The following ATP7B variants were observed in gnomAD, a reference collection of about 807,000 sequenced individuals.
The protein encoded by ATP7B is ATPase copper transporting beta.
In ATP7B, 113 loss-of-function variants were observed where a neutral mutation model predicts 118.9. The ratio of observed to expected loss-of-function variants is 0.95; its 90% CI spans 0.82 to 1.11. The LOEUF (loss-of-function observed/expected upper bound fraction) is 1.11, where lower values mean the gene tolerates loss of function less well. ATP7B is among the 50% of genes most tolerant of loss of function. ATP7B has a pLI of 0.00. For missense variants in ATP7B, 1,867 were observed against 1,871.4 expected (o/e 1.00, Z 0.04); for synonymous variants, 777 against 727.4 (o/e 1.07, Z -1.10).
chr13:51,950,167 C>A lies in ATP7B; in HGVS notation c.2576-6G>T. The A allele has an allele frequency of 6.2e-7, 1 of 1,614,122 alleles. No individual in the cohort carries two copies. Among genetic ancestry groups the A allele is most frequent in the Non-Finnish European group, 8.5e-7 (1 of 1,180,024 alleles). ...AGTGACTGGCATGGCTTCTCCTAGA[C>A]GTAGGAAAGAGACAACTGTCACTTG... is the stretch of plus-strand genomic sequence containing the variant. On this transcript the variant is annotated splice_polypyrimidine_tract_variant and splice_region_variant and intron_variant, in intron 10 of 20. Transcript: ENST00000242839.
intron 12 of ATP7B, among the ~76,000 whole-genome samples, chr13:51,948,402 C>T (rs1186378301): frequency 6.6e-6 from 1 of 152,100 alleles, no homozygotes; most frequent in African/African-American, 2.4e-5. Flanking sequence ...GGTGCATCAC[C>T]ACACCCAGTA....
In ATP7B at chr13:51,970,663, C is replaced by A. The variant is rs1057516305; in HGVS notation, c.1372G>T (p.Glu458Ter). Residue 458 changes from glutamate to a stop codon, truncating the protein, a stop_gained, in exon 3 of 21, where the codon GAA becomes TAA. Coordinates refer to ENST00000242839, the MANE Select transcript of ATP7B (RefSeq NM_000053.4). LOFTEE classifies it high-confidence loss of function. ...AGCCTCCCAGTGTGGGGAGCCACTT[C>A]CTGCACAGATGTAGGTGTACCATCT... The part of the protein sequence containing the change: ...TTDGTPTSVQ[E>*]VAPHTGRLPA... The A allele has an allele frequency of 6.2e-7, 1 of 1,614,166 alleles. No homozygotes were observed. The highest frequency in any genetic ancestry group is 1.7e-4 in the Middle Eastern group (1 of 6,060).
chr13:51,963,771 C>G (rs114065385), intron 5 of ATP7B, among the ~76,000 whole-genome samples: 4,183 of 148,420 alleles, frequency 0.028, 212 homozygotes, highest in African/African-American at 0.1. Flanking sequence ...TCTCCAAGGC[C>G]GGGCACAGTG....
At chr13:51,957,884 G>C (rs1204738422) in intron 8 of ATP7B, 1 of 492,810 alleles carries the variant, frequency 2.0e-6, no homozygotes, top group Non-Finnish European at 3.7e-6. Flanking sequence ...TTTTCTTTTA[G>C]GTTCAATCTA....
intron 1 of ATP7B, among the ~76,000 whole-genome samples, chr13:51,996,311 TGG>T (rs749323051): frequency 6.6e-6 from 1 of 152,062 alleles, no homozygotes; most frequent in Non-Finnish European, 1.5e-5. Context: ...CTGTTCCACA[TGG>T]GGATTAATAG....
In ATP7B at chr13:51,970,209, G is replaced by A. The variant is rs552977390; in HGVS notation, c.1543+283C>T. Among the ~76,000 whole-genome samples, 27 of 152,284 alleles carry A rather than the reference G, an allele frequency of 1.8e-4. 1 individual carries two copies. In the South Asian group the frequency reaches 5.6e-3, roughly 32 times the overall value. On this transcript the variant is annotated intron_variant, in intron 3 of 20. Coordinates refer to ENST00000242839, the MANE Select transcript of ATP7B (RefSeq NM_000053.4). ...GGGAACAAAATATGGAATAATACTA[G>A]TACAACCTAACTGAGAAGTCTATCC...
rs9316562 is a variant in ATP7B, at chr13:51,962,130, T to C, written c.1870-217A>G. Among the ~76,000 whole-genome samples, 82,515 of 152,002 alleles carry C rather than the reference T, an allele frequency of 0.54. 22,439 individuals are homozygous for C. Among genetic ancestry groups the C allele is most frequent in the Admixed American group, 0.57 (8,772 of 15,286 alleles). On this transcript the variant is annotated intron_variant, in intron 5 of 20. Transcript: ENST00000242839. The stretch of plus-strand genomic sequence containing the variant: ...TTCTGGGAAGACAGCTTCCCCAGAC[T>C]CCAAAGCTGAGCAGTGCTGACTTAT...
rs886050299 is a variant in ATP7B, at chr13:51,933,263, A to C, written c.*1493T>G. 6.6e-6 allele frequency: 1 copy of C among 152,198 alleles called. No homozygotes were observed. Among genetic ancestry groups the C allele is most frequent in the East Asian group, 1.9e-4 (1 of 5,194 alleles). 9.4% of individuals were successfully genotyped at this position (152,198 alleles called of 1,614,324 possible). Reference sequence around the variant, plus strand: ...CACAGCTGACAGACACTGCTTGTCCATTGGCTATGTCATCCTGGGCAAAGT... The same window carrying C: ...CACAGCTGACAGACACTGCTTGTCCCTTGGCTATGTCATCCTGGGCAAAGT... On this transcript the variant is annotated 3_prime_UTR_variant, in exon 21 of 21. Transcript: ENST00000242839.
chr13:51,971,963 A>T (rs2140010612), intron 2 of ATP7B, among the ~76,000 whole-genome samples: 1 of 152,336 alleles, frequency 6.6e-6, no homozygotes, highest in East Asian at 1.9e-4. Context: ...TCCCTACAGT[A>T]CCGAGCTCCA....
chr13:51,937,621 TG>T lies in ATP7B; in HGVS notation c.3757del (p.Gln1253ArgfsTer77). On this transcript the variant is annotated frameshift_variant, in exon 18 of 21. Coordinates refer to ENST00000242839, the MANE Select transcript of ATP7B (RefSeq NM_000053.4). LOFTEE classifies it high-confidence loss of function. ...TTTCTTCCCTTTATTCTGGAGCTCC[TG>T]GACCTTGGCCACCTTGTGCGAAGGC... ...VLPSHKVAKV[Q>X]ELQNKGKKVA... is the part of the protein sequence containing the mutation. 6.2e-7 allele frequency: 1 copy of T among 1,614,270 alleles called. No homozygotes were observed. The highest frequency in any genetic ancestry group is 8.5e-7 in the Non-Finnish European group (1 of 1,180,042).
In ATP7B at chr13:51,949,771, C is replaced by T. The variant is rs574579593; in HGVS notation, c.2756G>A (p.Arg919Gln). 39 of 1,614,000 alleles carry T rather than the reference C, an allele frequency of 2.4e-5. No individual in the cohort carries two copies. The highest frequency in any genetic ancestry group is 3.3e-5 in the Admixed American group (2 of 60,020). Residue 919 changes from arginine to glutamine, a missense_variant, in exon 12 of 21, where the codon CGG becomes CAG. Transcript: ENST00000242839. ...AAATGGGACAAAATATCCACTAAACCGGTCAGCCAGCTGCTGAATGGGTGC... is the reference window on the plus strand; with the variant it reads ...AAATGGGACAAAATATCCACTAAACTGGTCAGCCAGCTGCTGAATGGGTGC... The part of the protein sequence containing the change: ...SKAPIQQLAD[R>Q]FSGYFVPFII...
intron 1 of ATP7B, among the ~76,000 whole-genome samples, chr13:51,982,347 A>G (rs866020379): frequency 2.0e-5 from 3 of 152,216 alleles, no homozygotes; most frequent in African/African-American, 7.2e-5. Flanking sequence ...TTCCAGCATT[A>G]TCTGAGCAAA....
intron 1 of ATP7B, among the ~76,000 whole-genome samples, chr13:51,981,673 A>T (rs1029842274): frequency 6.6e-6 from 1 of 152,182 alleles, no homozygotes; most frequent in African/African-American, 2.4e-5. Context: ...CCACTGAGGA[A>T]GAATCAATGT....
intron 14 of ATP7B, among the ~76,000 whole-genome samples, chr13:51,943,443 T>C (rs941146787): frequency 6.6e-6 from 1 of 151,760 alleles, no homozygotes; most frequent in Non-Finnish European, 1.5e-5. Context: ...TCAGGAAGAG[T>C]TGTCAATTGT....
chr13:51,995,490 T>A (rs1370198767), intron 1 of ATP7B, among the ~76,000 whole-genome samples: 1 of 152,178 alleles, frequency 6.6e-6, no homozygotes, highest in East Asian at 1.9e-4. Context: ...TGTTGGTCAC[T>A]CAGAGTTGCC....
intron 1 of ATP7B, among the ~76,000 whole-genome samples, chr13:51,989,471 C>T (rs547884016): frequency 1.9e-4 from 29 of 151,652 alleles, no homozygotes; most frequent in African/African-American, 7.0e-4. Flanking sequence ...CTCTCAACCA[C>T]AGCAAGGGAA....
chr13:52,005,407 T>C (rs995393920), intron 1 of ATP7B, among the ~76,000 whole-genome samples: 2 of 152,194 alleles, frequency 1.3e-5, no homozygotes, highest in Non-Finnish European at 2.9e-5. Flanking sequence ...TCATCTATCC[T>C]CCACAAAGCA....
rs989216638 is a variant in ATP7B at position 51,995,348 on chromosome 13, A to T, written c.51+15939T>A. ...ACTCATTTCCCAGGTTCCATTCAAAACTCTCTGTGGAAATTCTCCTTCCTC... is the reference window on the plus strand; with the variant it reads ...ACTCATTTCCCAGGTTCCATTCAAATCTCTCTGTGGAAATTCTCCTTCCTC... On this transcript the variant is annotated intron_variant, in intron 1 of 20. Transcript: ENST00000242839. 3 of 984,898 alleles carry T rather than the reference A, an allele frequency of 3.0e-6. No individual in the cohort carries two copies. The African/African-American group carries it at 5.3e-5, about 17-fold the overall frequency. The allele number at this position is 984,898 out of a possible 1,614,324, so 61.0% of individuals were successfully genotyped here. A position where few individuals can be genotyped will look rare whatever the true frequency, so the allele number is the denominator to read the frequency against.
intron 9 of ATP7B, among the ~76,000 whole-genome samples, chr13:51,954,021 C>T (rs1291849222): frequency 6.6e-6 from 1 of 152,094 alleles, no homozygotes; most frequent in Non-Finnish European, 1.5e-5. Context: ...GTTTACATCC[C>T]AGGGTGGCTG....
Sources: allele counts gnomAD v4.1 joint callset (sites outside exome capture counted in the v4.1 genomes callset), GRCh38; gene constraint gnomAD v4.1.1; transcripts MANE v1.5; gene names NCBI Gene and HGNC (gene_info 2026-07-23, HGNC 2026-07-21).